AP3D1: variants seen among roughly 807,000 people sequenced by gnomAD.
The protein encoded by AP3D1 is AP-3 complex subunit delta-1.
A neutral mutation model predicts 147.6 loss-of-function variants in AP3D1; 51 were observed. The ratio of observed to expected loss-of-function variants is 0.35; its 90% CI spans 0.28 to 0.44. The LOEUF (loss-of-function observed/expected upper bound fraction) is 0.44, where lower values mean the gene tolerates loss of function less well. Ranked by LOEUF, AP3D1 falls within the 20% of genes least tolerant of loss-of-function variation. The probability of loss-of-function intolerance (pLI) is 1.00; values close to 1 mark genes in which losing one functional copy is unlikely to be tolerated. For missense variants in AP3D1, 1,421 were observed against 1,624.2 expected, an observed-to-expected ratio of 0.87 and a Z score of 2.15; for synonymous variants, 760 against 663.0, an observed-to-expected ratio of 1.15 and a Z score of -2.25.
intron 29 of AP3D1, chr19:2,109,613 TG>T: frequency 1.9e-6 from 1 of 524,640 alleles, no homozygotes; most frequent in South Asian, 2.4e-5. Context: ...GCTGGCTCCT[TG>T]GTCTCACCCC....
intron 31 of AP3D1, among the ~76,000 whole-genome samples, chr19:2,102,986 G>A (rs984460676): frequency 6.6e-6 from 1 of 151,678 alleles, no homozygotes; most frequent in Non-Finnish European, 1.5e-5. Flanking sequence ...AGGCCAGGCC[G>A]GATGGCTCAT....
At chr19:2,114,331 C>T (rs2018377735) in intron 21 of AP3D1, 29 bp from the exon 22 acceptor site, 1 of 1,588,832 alleles carries the variant, frequency 6.3e-7, no homozygotes, top group Non-Finnish European at 8.6e-7. Flanking sequence ...GGCCACACAT[C>T]AGCACCACTG....
chr19:2,110,292 T>G, intron 27 of AP3D1, 68 bp from the exon 28 acceptor site: 1 of 1,374,048 alleles, frequency 7.3e-7, no homozygotes, highest in Non-Finnish European at 1.0e-6. Context: ...GGCCTCCAGG[T>G]CTGTCCTCAG....
chr19:2,118,244 G>A (rs1444722327), intron 15 of AP3D1, among the ~76,000 whole-genome samples: 1 of 152,166 alleles, frequency 6.6e-6, no homozygotes, highest in Non-Finnish European at 1.5e-5. Flanking sequence ...TGTACAGTCT[G>A]CTCAACCTAG....
intron 5 of AP3D1, among the ~76,000 whole-genome samples, chr19:2,131,726 C>T (rs1215857905): frequency 4.9e-5 from 5 of 101,752 alleles, no homozygotes; most frequent in African/African-American, 8.5e-5. Context: ...GGCAGCCACG[C>T]GGGGACCGCG....
Position 2,135,258 on chromosome 19 carries a change from A to G in AP3D1, c.354+1753T>C, listed in dbSNP as rs562852704. On this transcript the variant is annotated intron_variant, in intron 4 of 31. Coordinates refer to ENST00000643116, the MANE Select transcript of AP3D1 (RefSeq NM_001261826.3). ...ATAAAATAAAAAACAAAATGAGGCC[A>G]GGCACAGTGGCTCATGCCTGTAATC... Among the ~76,000 whole-genome samples the G allele has an allele frequency of 2.0e-5, 3 of 151,848 alleles. No individual in the cohort carries two copies. The East Asian group carries it at 5.9e-4, about 30-fold the overall frequency.
At chr19:2,128,268 G>A (rs906285686) in intron 8 of AP3D1, among the ~76,000 whole-genome samples, 39 of 152,234 alleles carry the variant, frequency 2.6e-4, no homozygotes, top group South Asian at 1.2e-3. Context: ...CTTGCAGTGC[G>A]GAGACCCACA....
chr19:2,156,197 G>T (rs1488625519), upstream of AP3D1, among the ~76,000 whole-genome samples: 1 of 152,188 alleles, frequency 6.6e-6, no homozygotes, highest in Non-Finnish European at 1.5e-5. Flanking sequence ...AGTAGGGGCA[G>T]CTTCTCTCTG....
chr19:2,130,434 T>C lies in AP3D1; in HGVS notation c.566A>G (p.Lys189Arg), dbSNP rs762842700. The C allele has an allele frequency of 2.4e-5, 38 of 1,613,984 alleles. No individual in the cohort carries two copies. Among genetic ancestry groups the C allele is most frequent in the South Asian group, 2.1e-4 (19 of 91,086 alleles). Residue 189 changes from lysine (K) to arginine (R), a missense_variant, in exon 6 of 32, where the codon AAG becomes AGG. Physicochemically the swap from Lys to Arg is conservative, Grantham distance 26 (BLOSUM62 2). Coordinates refer to ENST00000643116, the MANE Select transcript of AP3D1 (RefSeq NM_001261826.3). ...ESLRPAFPRL[K>R]EKLEDPDPGV... is the part of the protein sequence containing the mutation. ...GGGGTCGGGGTCCTCCAGCTTCTCC[T>C]TCAGCCGGGGAAAGGCAGGGCGCAG...
Position 2,110,167 on chromosome 19 carries a change from T to G in AP3D1, c.3233A>C (p.Lys1078Thr). ...AATGAAGGACAGGGTCCCCTTGAGC[T>G]TCTGCGCCATGACGATGCTCTGGAT... Reference protein sequence around the residue: ...FTIQSIVMAQKLKGTLSFIAK... With the variant: ...FTIQSIVMAQTLKGTLSFIAK... Residue 1078 changes from lysine (K) to threonine (T), a missense_variant, in exon 28 of 32, where the codon AAG (lysine) becomes ACG (threonine). Around this residue, in one of 6 missense-constraint regions of AP3D1, gnomAD observed 791 missense variants for 761.4 expected, o/e 1.04. Transcript: ENST00000643116. 1 of 1,612,930 alleles carries G rather than the reference T, an allele frequency of 6.2e-7. No individual in the cohort carries two copies. Among genetic ancestry groups the G allele is most frequent in the South Asian group, 1.1e-5 (1 of 91,028 alleles).
Position 2,102,233 on chromosome 19 carries a change from A to G in AP3D1, c.3588T>C (p.Ser1196=), listed in dbSNP as rs2017974957. 1 of 1,614,068 alleles carries G rather than the reference A, an allele frequency of 6.2e-7. No individual in the cohort carries two copies. The highest frequency in any genetic ancestry group is 8.5e-7 in the Non-Finnish European group (1 of 1,179,964). Residue 1196 remains serine, a synonymous_variant, in exon 32 of 32, where the codon AGT becomes AGC. Transcript: ENST00000643116. ...ACAAGTTGCTCAGTAGCGTGGAGTCACTGCACTTCCCGTCGACTGAGACAG... is the reference window on the plus strand; with the variant it reads ...ACAAGTTGCTCAGTAGCGTGGAGTCGCTGCACTTCCCGTCGACTGAGACAG... ...ENSVSVDGKC[S]DSTLLSNLLE...
intron 4 of AP3D1, among the ~76,000 whole-genome samples, chr19:2,136,402 G>A (rs973678609): frequency 2.6e-5 from 4 of 152,324 alleles, no homozygotes; most frequent in Non-Finnish European, 4.4e-5. Context: ...TCTGACGTGC[G>A]GTCTGGGGCC....
intron 30 of AP3D1, 137 bp from the exon 31 acceptor site, chr19:2,108,903 A>G: frequency 5.4e-6 from 7 of 1,304,206 alleles, no homozygotes; most frequent in East Asian, 2.5e-5. Flanking sequence ...TGGCCCTGAG[A>G]GGCCTGGGGT....
intron 1 of AP3D1, among the ~76,000 whole-genome samples, chr19:2,143,264 A>G (rs1289113047): frequency 2.7e-5 from 3 of 111,190 alleles, no homozygotes; most frequent in Admixed American, 1.1e-4. Context: ...TTTTTGAGAC[A>G]GAGTCCTGCT....
At chr19:2,158,608 C>CTTTTTTTTTTTTT (rs1210998373) in intron 1 of AP3D1, among the ~76,000 whole-genome samples, 1 of 143,764 alleles carries the variant, frequency 7.0e-6, no homozygotes, top group African/African-American at 2.5e-5. Flanking sequence ...GATCCCAGCT[C>CTTTTTTTTTTTTT]TTTTTTTTTT....
At chr19:2,114,663 CCGG>C in intron 21 of AP3D1, 82 bp downstream of exon 21, 1 of 1,194,994 alleles carries the variant, frequency 8.4e-7, no homozygotes, top group South Asian at 1.3e-5. Context: ...CCTGCAGAGC[CCGG>C]CCCCACCCGG....
rs886619656 is a variant in AP3D1, at chr19:2,140,632, G to A, written c.97-1918C>T. On this transcript the variant is annotated intron_variant, in intron 1 of 31. Coordinates refer to ENST00000643116, the MANE Select transcript of AP3D1 (RefSeq NM_001261826.3). ...TGGGACCACAGGTGTGCGCCACCAC[G>A]CCCAGCCACTAGTCAGCTTTCTAGG... is the stretch of plus-strand genomic sequence containing the variant. Among the ~76,000 whole-genome samples, 25 of 151,858 alleles carry A rather than the reference G, an allele frequency of 1.6e-4. No homozygotes were observed. In the East Asian group the frequency reaches 2.7e-3, roughly 16 times the overall value.
chr19:2,140,437 G>C (rs1300381704), intron 1 of AP3D1, among the ~76,000 whole-genome samples: 1 of 151,784 alleles, frequency 6.6e-6, no homozygotes, highest in Non-Finnish European at 1.5e-5. Flanking sequence ...CTGATGAATG[G>C]ATACACACCA....
At chr19:2,160,174 A>C (rs1260562453) in intron 1 of AP3D1, among the ~76,000 whole-genome samples, 2 of 152,180 alleles carry the variant, frequency 1.3e-5, no homozygotes, top group Admixed American at 1.3e-4. Context: ...AGGCAGTTTC[A>C]AACCTGTAAC....
Sources: gnomAD v4.1 joint callset for allele counts (sites outside exome capture counted in the v4.1 genomes callset) on GRCh38, gnomAD v4.1.1 for gene constraint, gnomAD v4.1.1 regional missense constraint, MANE v1.5 for transcripts, NCBI Gene and HGNC (gene_info 2026-07-23, HGNC 2026-07-21) for gene names.